NFATC3: variants seen among roughly 807,000 people sequenced by gnomAD.
NFATC3 encodes nuclear factor of activated T-cells, cytoplasmic 3.
A neutral mutation model predicts 98.6 loss-of-function variants in NFATC3; 46 were observed. The ratio of observed to expected loss-of-function variants is 0.47; its 90% CI spans 0.37 to 0.60. The LOEUF (loss-of-function observed/expected upper bound fraction) is 0.60. NFATC3 is among the 20% of genes least tolerant of loss of function. The probability of loss-of-function intolerance (pLI) is 0.00; values close to 1 mark genes in which losing one functional copy is unlikely to be tolerated. For missense variants in NFATC3, 1,256 were observed against 1,295.5 expected (o/e 0.97, Z 0.47); for synonymous variants, 512 against 472.2 (o/e 1.08, Z -1.09).
chr16:68,189,402 T>C (rs1274663350), intron 8 of NFATC3: 1 of 214,356 alleles, frequency 4.7e-6, no homozygotes, highest in Non-Finnish European at 9.9e-6. Flanking sequence ...CCATACCTGG[T>C]TTATGCCTTG....
intron 3 of NFATC3, among the ~76,000 whole-genome samples, chr16:68,131,684 C>T (rs181760091): frequency 4.6e-4 from 70 of 150,576 alleles, no homozygotes; most frequent in Non-Finnish European, 9.0e-4. Context: ...AACAGGGTCT[C>T]GCTATATTGC....
At position 68,172,940 on chromosome 16, in the gene NFATC3, C is replaced by T. The variant is rs114451532; in HGVS notation, c.1775-1434C>T. 6.2e-3 allele frequency among the ~76,000 whole-genome samples: 938 copies of T among 152,146 alleles called. 4 individuals carry two copies. The highest frequency in any genetic ancestry group is 0.021 in the African/African-American group (873 of 41,530). The stretch of plus-strand genomic sequence containing the variant: ...AGTCATTATCAGAGAAAGGTGGCAC[C>T]GTAAGCACTGTTTATAGAAGTTGAT... On this transcript the variant is annotated intron_variant, in intron 5 of 9. Transcript: ENST00000346183.
At position 68,117,621 on chromosome 16, in the gene NFATC3, C is replaced by A. The variant is rs76951216; in HGVS notation, c.104-4366C>A. Reference sequence around the variant, plus strand: ...ATCTCAGGCTCAAACGACCCTCCTGCCTCAGCCTCTCAGGTAGCTGGGACT... The same window carrying A: ...ATCTCAGGCTCAAACGACCCTCCTGACTCAGCCTCTCAGGTAGCTGGGACT... On this transcript the variant is annotated intron_variant, in intron 1 of 9. Coordinates refer to ENST00000346183, the MANE Select transcript of NFATC3 (RefSeq NM_173165.3). 1.2e-3 allele frequency among the ~76,000 whole-genome samples: 178 copies of A among 152,330 alleles called. 3 individuals carry two copies. The East Asian group carries it at 0.028, about 24-fold the overall frequency.
intron 4 of NFATC3, among the ~76,000 whole-genome samples, chr16:68,166,215 G>A (rs895150414): frequency 1.1e-4 from 16 of 152,196 alleles, no homozygotes; most frequent in African/African-American, 3.6e-4. Context: ...ATGGCTTATA[G>A]TTATCACTCT....
intron 9 of NFATC3, chr16:68,221,050 AT>A: frequency 1.1e-6 from 1 of 869,644 alleles, no homozygotes; most frequent in Non-Finnish European, 1.7e-6. Flanking sequence ...CCTGGCCTGG[AT>A]TACAGTTTAA....
chr16:68,129,020 G>A (rs144597679), intron 3 of NFATC3, among the ~76,000 whole-genome samples: 87 of 152,158 alleles, frequency 5.7e-4, no homozygotes, highest in African/African-American at 1.9e-3. Flanking sequence ...TGCTGGAGCC[G>A]GGAGTTTGAG....
At chr16:68,135,847 A>G (rs1255942810) in intron 3 of NFATC3, among the ~76,000 whole-genome samples, 1 of 152,072 alleles carries the variant, frequency 6.6e-6, no homozygotes, top group African/African-American at 2.4e-5. Flanking sequence ...TGGATCACCC[A>G]AGGTCAGGAG....
In NFATC3 at chr16:68,092,752, A is replaced by C. The variant is rs370119719; in HGVS notation, c.103+6968A>C. The stretch of plus-strand genomic sequence containing the variant: ...AAAAACAAAAACAAACTGTTAGTGC[A>C]TCGAGTTGTTCTTATTATTCAAACC... On this transcript the variant is annotated intron_variant, in intron 1 of 9. Coordinates refer to ENST00000346183, the MANE Select transcript of NFATC3 (RefSeq NM_173165.3). 5.9e-5 allele frequency among the ~76,000 whole-genome samples: 9 copies of C among 152,212 alleles called. No homozygotes were observed. In the East Asian group the frequency reaches 1.5e-3, roughly 26 times the overall value.
rs1372509585 is a variant in NFATC3 at position 68,192,226 on chromosome 16, A to ATATATATATATATAT, written c.3106+451_3106+452insTATATATATATATAT. On this transcript the variant is annotated intron_variant, in intron 9 of 9. Coordinates refer to ENST00000346183, the MANE Select transcript of NFATC3 (RefSeq NM_173165.3). ...CCGTCTCGGGAAAAAAAAAAAAAAA[A>ATATATATATATATAT]AAAAATATATATATATATATATATA... 1.0e-4 allele frequency: 6 copies of ATATATATATATATAT among 59,642 alleles called. No individual in the cohort carries two copies. In the South Asian group the frequency reaches 1.7e-3, roughly 17 times the overall value. The allele number at this position is 59,642 out of a possible 1,614,324, so 3.7% of individuals were successfully genotyped here.
In NFATC3 at chr16:68,122,708, G is replaced by T. The variant is rs535126493; in HGVS notation, c.825G>T (p.Arg275Ser). ...CCACATCCCCCTGTGGGAAACGGAG[G>T]CACTCCAGTGCTGAAGTTTGTTATG... ...SRPTSPCGKRRHSSAEVCYAG... is the reference protein window; with the variant it reads ...SRPTSPCGKRSHSSAEVCYAG... Residue 275 changes from arginine (R) to serine (S), a missense_variant, in exon 2 of 10, where the codon AGG (arginine) becomes AGT (serine). Coordinates refer to ENST00000346183, the MANE Select transcript of NFATC3 (RefSeq NM_173165.3). 2.5e-6 allele frequency: 4 copies of T among 1,614,186 alleles called. No homozygotes were observed. In the African/African-American group the frequency reaches 4.0e-5, roughly 16 times the overall value.
chr16:68,193,173 A>C (rs1311291050), intron 9 of NFATC3, among the ~76,000 whole-genome samples: 1 of 152,140 alleles, frequency 6.6e-6, no homozygotes, highest in Non-Finnish European at 1.5e-5. Flanking sequence ...ATTATAAATA[A>C]TGTAGATATG....
At chr16:68,107,676 T>A (rs2035732660) in intron 1 of NFATC3, among the ~76,000 whole-genome samples, 1 of 152,078 alleles carries the variant, frequency 6.6e-6, no homozygotes, top group Admixed American at 6.5e-5. Context: ...TGAGCCGAGA[T>A]CATGCCACTG....
intron 1 of NFATC3, among the ~76,000 whole-genome samples, chr16:68,086,484 A>G (rs1332186562): frequency 6.6e-6 from 1 of 152,142 alleles, no homozygotes; most frequent in East Asian, 1.9e-4. Context: ...AGATATTTTA[A>G]AGGAAATCTT....
chr16:68,157,904 A>G lies in NFATC3; in HGVS notation c.1437A>G (p.Gln479=). Residue 479 remains glutamine (Q), a synonymous_variant, in exon 4 of 10, where the codon CAA becomes CAG. Coordinates refer to ENST00000346183, the MANE Select transcript of NFATC3 (RefSeq NM_173165.3). ...ATAACGAAAAGCCAATAAATCTACA[A>G]ATGTTTATTGGGACAGCAGATGATC... ...LGYNEKPINL[Q]MFIGTADDRY... 1.2e-6 allele frequency: 2 copies of G among 1,613,618 alleles called. No individual in the cohort carries two copies. The highest frequency in any genetic ancestry group is 1.7e-6 in the Non-Finnish European group (2 of 1,179,834).
At chr16:68,204,784 G>A (rs769795844) in intron 9 of NFATC3, among the ~76,000 whole-genome samples, 48 of 152,040 alleles carry the variant, frequency 3.2e-4, no homozygotes, top group East Asian at 5.8e-4. Flanking sequence ...GAGTTCCTTC[G>A]AAGACAGATT....
At chr16:68,151,186 T>C (rs1232379595) in intron 3 of NFATC3, among the ~76,000 whole-genome samples, 1 of 151,362 alleles carries the variant, frequency 6.6e-6, no homozygotes, top group East Asian at 1.9e-4. Context: ...GGACCCCATC[T>C]TAAAAAAAAA....
At chr16:68,124,541 TCTC>T (rs2036733753) in intron 2 of NFATC3, among the ~76,000 whole-genome samples, 1 of 151,272 alleles carries the variant, frequency 6.6e-6, no homozygotes, top group East Asian at 1.9e-4. Context: ...CACCTACCAT[TCTC>T]CTGCCTCAGC....
intron 9 of NFATC3, among the ~76,000 whole-genome samples, chr16:68,223,465 A>G (rs1192357462): frequency 3.3e-5 from 5 of 152,356 alleles, no homozygotes; most frequent in Non-Finnish European, 5.9e-5. Context: ...AGTAATGCCA[A>G]AAACCACAAT....
At chr16:68,136,396 G>A (rs751120753) in intron 3 of NFATC3, among the ~76,000 whole-genome samples, 5 of 151,874 alleles carry the variant, frequency 3.3e-5, no homozygotes, top group Non-Finnish European at 7.4e-5. Context: ...AACTTCTCCC[G>A]TGGCTGGGAC....
Sources: allele counts gnomAD v4.1 joint callset (sites outside exome capture counted in the v4.1 genomes callset), GRCh38; gene constraint gnomAD v4.1.1; transcripts MANE v1.5; gene names NCBI Gene and HGNC (gene_info 2026-07-23, HGNC 2026-07-21).